The following SCEL variants were observed in gnomAD, a reference collection of about 807,000 sequenced individuals.
The protein encoded by SCEL is sciellin.
SCEL carries 113 observed loss-of-function variants against 117.6 expected under a neutral mutation model. That is an observed-to-expected ratio of 0.96 (90% CI 0.83 to 1.12). The LOEUF (loss-of-function observed/expected upper bound fraction) is 1.12. SCEL is among the 50% of genes most tolerant of loss of function. The pLI is 0.00. For synonymous variants in SCEL, 270 were observed against 256.2 expected (o/e 1.05, Z -0.51); for missense variants, 785 against 810.8 (o/e 0.97, Z 0.39).
chr13:77,564,039 G>T (rs537699114), intron 5 of SCEL, 140 bp downstream of exon 5: 7 of 573,754 alleles, frequency 1.2e-5, no homozygotes, highest in East Asian at 3.3e-5. Context: ...AGGGCTCTAA[G>T]AATTGAATTA....
chr13:77,563,841 G>A lies in SCEL; in HGVS notation c.232G>A (p.Glu78Lys), dbSNP rs748997582. The A allele has an allele frequency of 6.3e-5, 100 of 1,590,890 alleles. No homozygotes were observed. The highest frequency in any genetic ancestry group is 8.4e-5 in the Non-Finnish European group (98 of 1,171,132). The stretch of plus-strand genomic sequence containing the variant: ...TTATGTTTGCTACAGGAAAGTAAAT[G>A]AGAGAGATGTGCCAAAAGCTACAAT... ...SHDALDRKVN[E>K]RDVPKATISR... is the part of the protein sequence containing the mutation. The change falls in exon 5 of 33, where the codon GAG becomes AAG. Residue 78 changes from glutamate to lysine, a missense_variant. Coordinates refer to ENST00000349847, the MANE Select transcript of SCEL (RefSeq NM_144777.3).
chr13:77,539,294 C>T (rs146228420), intron 1 of SCEL, among the ~76,000 whole-genome samples: 2 of 150,600 alleles, frequency 1.3e-5, no homozygotes, highest in Non-Finnish European at 3.0e-5. Flanking sequence ...ATATACATAG[C>T]ATATTACATA....
chr13:77,607,079 C>T (rs950597413), intron 19 of SCEL, among the ~76,000 whole-genome samples: 1 of 152,070 alleles, frequency 6.6e-6, no homozygotes, highest in African/African-American at 2.4e-5. Context: ...CTTGCTGTGT[C>T]CCAGGCTGGA....
chr13:77,639,205 C>G (rs529137434), intron 30 of SCEL, among the ~76,000 whole-genome samples: 2 of 152,234 alleles, frequency 1.3e-5, no homozygotes, highest in East Asian at 3.9e-4. Context: ...ATTTTCTACT[C>G]TTGAAGTGCT....
rs775175135 is a variant in SCEL, at chr13:77,559,853, G to A, written c.211G>A (p.Ala71Thr). The A allele has an allele frequency of 1.7e-5, 28 of 1,612,616 alleles. No individual in the cohort carries two copies. Among genetic ancestry groups the A allele is most frequent in the Non-Finnish European group, 4.2e-6 (5 of 1,178,808 alleles). The change falls in exon 4 of 33, where the codon GCA (alanine) becomes ACA (threonine). Residue 71 changes from alanine to threonine, a missense_variant. Coordinates refer to ENST00000349847, the MANE Select transcript of SCEL (RefSeq NM_144777.3). ...VVLNRHNSHD[A>T]LDRKVNERDV... The stretch of plus-strand genomic sequence containing the variant: ...GCTCAACCGACATAATTCCCATGAT[G>A]CATTGGACAGGTGGGTGTTTAGACA...
In SCEL at chr13:77,604,355, GA is replaced by G. The variant is rs752946345; in HGVS notation, c.1104del (p.Asp369ThrfsTer28). 11 of 1,550,186 alleles carry G rather than the reference GA, an allele frequency of 7.1e-6. No individual in the cohort carries two copies. Among genetic ancestry groups the G allele is most frequent in the African/African-American group, 2.8e-5 (2 of 71,276 alleles). On this transcript the variant is annotated frameshift_variant and splice_region_variant, in exon 19 of 33. Coordinates refer to ENST00000349847, the MANE Select transcript of SCEL (RefSeq NM_144777.3). LOFTEE classifies it high-confidence loss of function. ...ATTAAAATTAATTTCCTTTTTCAAA[GA>G]AAAAAAGACCTTGATGGGCTTATTA... ...VNPKGHENTT[G>X]KKDLDGLIKV...
At chr13:77,574,693 A>G (rs1259570416) in intron 9 of SCEL, among the ~76,000 whole-genome samples, 1 of 152,190 alleles carries the variant, frequency 6.6e-6, no homozygotes, top group Non-Finnish European at 1.5e-5. Context: ...AAATGATGAA[A>G]GGGAGTAAAG....
chr13:77,593,302 G>GCGCGCGCGCGTC (rs1195018660), intron 11 of SCEL, among the ~76,000 whole-genome samples: 2 of 147,178 alleles, frequency 1.4e-5, no homozygotes, highest in African/African-American at 2.5e-5. Context: ...GTGTGTCTGT[G>GCGCGCGCGCGTC]TGTGTGTGTG....
intron 22 of SCEL, 26 bp downstream of exon 22, chr13:77,610,132 C>CT: frequency 4.5e-6 from 7 of 1,547,562 alleles, no homozygotes; most frequent in Non-Finnish European, 6.2e-6. Flanking sequence ...CTCTCTATTT[C>CT]TCCCCCCTTT....
intron 9 of SCEL, among the ~76,000 whole-genome samples, chr13:77,581,415 C>G (rs1174325789): frequency 6.6e-6 from 1 of 152,190 alleles, no homozygotes; most frequent in African/African-American, 2.4e-5. Context: ...CCTAGACAGT[C>G]CCTGATTTCC....
intron 4 of SCEL, among the ~76,000 whole-genome samples, chr13:77,562,206 T>C (rs12585313): frequency 0.1 from 15,739 of 152,062 alleles, 1,351 homozygotes; most frequent in East Asian, 0.44. Context: ...GAAAATAACA[T>C]GTTGAAACAT....
chr13:77,612,951 T>C lies in SCEL; in HGVS notation c.1388+10T>C, dbSNP rs76529037. The C allele has an allele frequency of 5.0e-4, 755 of 1,522,268 alleles. 3 individuals carry two copies. The African/African-American group carries it at 8.5e-3, about 17-fold the overall frequency. 94.3% of individuals were successfully genotyped at this position (1,522,268 alleles called of 1,614,324 possible). On this transcript the variant is annotated intron_variant, in intron 23 of 32. Transcript: ENST00000349847. ...CTTCAGCAAACAAAAGGTAAACTTA[T>C]TAAGATAATTGAAGACTTCTTAGCA... is the stretch of plus-strand genomic sequence containing the variant.
intron 4 of SCEL, among the ~76,000 whole-genome samples, chr13:77,560,287 A>T (rs1362866405): frequency 7.3e-6 from 1 of 137,302 alleles, no homozygotes; most frequent in Admixed American, 7.3e-5. Flanking sequence ...AAAAAAAATT[A>T]ATTAGCTAGG....
intron 1 of SCEL, among the ~76,000 whole-genome samples, chr13:77,545,887 A>C (rs560869318): frequency 6.6e-6 from 1 of 152,390 alleles, no homozygotes; most frequent in Non-Finnish European, 1.5e-5. Context: ...TTGATAAGAA[A>C]AATTTAATTT....
At chr13:77,620,598 A>G (rs914937556) in intron 27 of SCEL, among the ~76,000 whole-genome samples, 3 of 152,200 alleles carry the variant, frequency 2.0e-5, no homozygotes, top group Non-Finnish European at 1.5e-5. Flanking sequence ...TTTATTCAGT[A>G]AGAATTTGCA....
At chr13:77,542,253 TAGAG>T (rs1221272158) in intron 1 of SCEL, among the ~76,000 whole-genome samples, 1 of 151,960 alleles carries the variant, frequency 6.6e-6, no homozygotes, top group Non-Finnish European at 1.5e-5. Flanking sequence ...ATACAAAAAT[TAGAG>T]AGGCATGGTG....
rs149328596 is a variant in SCEL at position 77,564,117 on chromosome 13, T to A, written c.290+218T>A. Among the ~76,000 whole-genome samples the A allele has an allele frequency of 2.9e-3, 440 of 152,170 alleles. 1 individual carries two copies. The highest frequency in any genetic ancestry group is 0.01 in the African/African-American group (426 of 41,534). On this transcript the variant is annotated intron_variant, in intron 5 of 32. Coordinates refer to ENST00000349847, the MANE Select transcript of SCEL (RefSeq NM_144777.3). ...AAATCTTTTTAATAGTAGATTGATA[T>A]GAAATATTCTTAGAGACACTGATTT... is the stretch of plus-strand genomic sequence containing the variant.
intron 1 of SCEL, among the ~76,000 whole-genome samples, chr13:77,554,388 C>T (rs2084528345): frequency 6.6e-6 from 1 of 152,188 alleles, no homozygotes. Context: ...TGAGGGGAAC[C>T]TGATCTGGAC....
chr13:77,617,163 GA>G, intron 24 of SCEL, among the ~76,000 whole-genome samples: 1 of 152,206 alleles, frequency 6.6e-6, no homozygotes, highest in East Asian at 1.9e-4. Flanking sequence ...TCACAATTTT[GA>G]TGGATTGCTG....
Sources: allele counts gnomAD v4.1 joint callset (sites outside exome capture counted in the v4.1 genomes callset), GRCh38; gene constraint gnomAD v4.1.1; transcripts MANE v1.5; gene names NCBI Gene and HGNC (gene_info 2026-07-23, HGNC 2026-07-21).